The following GALNT13 variants were observed in gnomAD, a reference collection of about 807,000 sequenced individuals.
The protein encoded by GALNT13 is polypeptide N-acetylgalactosaminyltransferase 13.
Under a neutral mutation model 64.2 loss-of-function variants are expected in GALNT13, and 28 were observed. That is an observed-to-expected ratio of 0.44 (90% CI 0.32 to 0.60). The LOEUF (loss-of-function observed/expected upper bound fraction) is 0.60. Among genes scored for constraint, GALNT13 ranks in the 20% least tolerant of loss-of-function variants. GALNT13 has a pLI of 0.05. For missense variants in GALNT13, 577 were observed against 669.8 expected (o/e 0.86, Z 1.53); for synonymous variants, 214 against 224.6 (o/e 0.95, Z 0.42).
At chr2:153,893,766 G>A (rs1687716811) in intron 1 of GALNT13, among the ~76,000 whole-genome samples, 1 of 151,940 alleles carries the variant, frequency 6.6e-6, no homozygotes, top group Non-Finnish European at 1.5e-5. Flanking sequence ...ATCCCTAATT[G>A]TTGCTTTTAT....
chr2:154,434,342 T>C (rs931518511), intron 11 of GALNT13, among the ~76,000 whole-genome samples: 7 of 152,138 alleles, frequency 4.6e-5, no homozygotes, highest in African/African-American at 1.7e-4. Flanking sequence ...TCACTGCAAA[T>C]TCCGCCTCCC....
chr2:154,240,786 C>A (rs919366631), intron 4 of GALNT13, among the ~76,000 whole-genome samples: 3 of 152,190 alleles, frequency 2.0e-5, no homozygotes, highest in African/African-American at 7.2e-5. Flanking sequence ...ATCCGGGGTT[C>A]TTGGCTTGGT....
intron 3 of GALNT13, among the ~76,000 whole-genome samples, chr2:154,131,179 A>G (rs1462517614): frequency 6.6e-6 from 1 of 152,170 alleles, no homozygotes; most frequent in African/African-American, 2.4e-5. Context: ...GAACACTTTA[A>G]AAGTTGGGTC....
At chr2:154,380,143 AC>A (rs1227418662) in intron 9 of GALNT13, among the ~76,000 whole-genome samples, 2 of 151,908 alleles carry the variant, frequency 1.3e-5, no homozygotes, top group Non-Finnish European at 2.9e-5. Context: ...ACATTCTTTA[AC>A]TCTCACTGTG....
At chr2:153,345,336 A>G in the GALNT13 span, among the ~76,000 whole-genome samples, 1 of 152,192 alleles carries the variant, frequency 6.6e-6, no homozygotes, top group South Asian at 2.1e-4. Flanking sequence ...CAGCTGACCA[A>G]GAAGCAGGGA....
At chr2:154,331,153 T>A (rs1695145731) in intron 9 of GALNT13, among the ~76,000 whole-genome samples, 1 of 152,050 alleles carries the variant, frequency 6.6e-6, no homozygotes, top group Admixed American at 6.6e-5. Flanking sequence ...AATAAAAATT[T>A]AATCAAGGCA....
intron 9 of GALNT13, among the ~76,000 whole-genome samples, chr2:154,375,602 G>A (rs1389925906): frequency 1.3e-5 from 2 of 151,984 alleles, no homozygotes; most frequent in African/African-American, 4.8e-5. Context: ...ACAAACCCAC[G>A]CAGCCACCAA....
the GALNT13 span, among the ~76,000 whole-genome samples, chr2:153,197,505 G>A: frequency 6.6e-6 from 1 of 152,256 alleles, no homozygotes; most frequent in Admixed American, 6.5e-5. Context: ...TGATGAAGCA[G>A]GACAATTCCT....
intron 3 of GALNT13, among the ~76,000 whole-genome samples, chr2:154,096,191 G>C (rs1165331358): frequency 6.6e-6 from 1 of 151,914 alleles, no homozygotes; most frequent in Non-Finnish European, 1.5e-5. Flanking sequence ...TTCAAATAAA[G>C]TAAAATCTCA....
At chr2:153,143,928 G>A in the GALNT13 span, among the ~76,000 whole-genome samples, 1 of 151,924 alleles carries the variant, frequency 6.6e-6, no homozygotes, top group Non-Finnish European at 1.5e-5. Context: ...AGGCATAGAT[G>A]TTTGCCTTCA....
At chr2:154,160,958 T>C (rs181685920) in intron 4 of GALNT13, among the ~76,000 whole-genome samples, 1 of 152,330 alleles carries the variant, frequency 6.6e-6, no homozygotes, top group East Asian at 1.9e-4. Context: ...TATCATTGGC[T>C]AGCCTCACTT....
the GALNT13 span, among the ~76,000 whole-genome samples, chr2:153,222,332 T>TGG: frequency 1.9e-5 from 2 of 103,788 alleles, no homozygotes; most frequent in East Asian, 4.0e-4. Flanking sequence ...GGGGGTGGGG[T>TGG]GGGGGGGGGG....
At chr2:153,725,019 C>T in the GALNT13 span, among the ~76,000 whole-genome samples, 2 of 150,980 alleles carry the variant, frequency 1.3e-5, no homozygotes, top group Non-Finnish European at 2.9e-5. Context: ...ATGTTTATTG[C>T]AGCATTATTC....
the GALNT13 span, among the ~76,000 whole-genome samples, chr2:153,562,060 C>CTGTGTGTG: frequency 5.6e-3 from 669 of 118,906 alleles, 10 homozygotes; most frequent in African/African-American, 0.015. Context: ...CTCTCTCTCT[C>CTGTGTGTG]TGTGTGTGTG....
the GALNT13 span, among the ~76,000 whole-genome samples, chr2:153,678,846 C>G: frequency 2.0e-5 from 3 of 151,956 alleles, no homozygotes; most frequent in Non-Finnish European, 4.4e-5. Flanking sequence ...TGTACTATGT[C>G]AGCTTAGCTA....
the GALNT13 span, among the ~76,000 whole-genome samples, chr2:153,146,755 C>G: frequency 2.6e-5 from 4 of 151,846 alleles, no homozygotes; most frequent in African/African-American, 9.7e-5. Context: ...GATACTTGAG[C>G]CTAGATGGCC....
chr2:153,732,176 C>T, the GALNT13 span, among the ~76,000 whole-genome samples: 1 of 151,808 alleles, frequency 6.6e-6, no homozygotes, highest in African/African-American at 2.4e-5. Flanking sequence ...TTTATATATC[C>T]TAAATCCATA....
chr2:154,169,402 T>G (rs1573798311), intron 4 of GALNT13, among the ~76,000 whole-genome samples: 1 of 152,286 alleles, frequency 6.6e-6, no homozygotes. Flanking sequence ...GGATGTAAAC[T>G]ACAGAAGAAT....
the GALNT13 span, among the ~76,000 whole-genome samples, chr2:153,586,353 A>G: frequency 1.3e-5 from 2 of 152,212 alleles, no homozygotes; most frequent in Non-Finnish European, 2.9e-5. Context: ...AGGGGTGGAG[A>G]TATTCCACAC....
Sources: gnomAD v4.1 joint callset for allele counts (sites outside exome capture counted in the v4.1 genomes callset) on GRCh38, gnomAD v4.1.1 for gene constraint, MANE v1.5 for transcripts, NCBI Gene and HGNC (gene_info 2026-07-23, HGNC 2026-07-21) for gene names.